CYTH3: variants seen among roughly 807,000 people sequenced by gnomAD.
CYTH3 encodes cytohesin 3.
CYTH3 carries 23 observed loss-of-function variants against 55.1 expected under a neutral mutation model. The ratio of observed to expected loss-of-function variants is 0.42; its 90% CI spans 0.30 to 0.59. CYTH3 has a LOEUF of 0.59. Ranked by LOEUF, CYTH3 falls within the 20% of genes least tolerant of loss-of-function variation. The pLI, the probability that CYTH3 is intolerant of heterozygous loss-of-function variation, is 0.20. For synonymous variants in CYTH3, 249 were observed against 194.9 expected (o/e 1.28, Z -2.31); for missense variants, 413 against 524.8 (o/e 0.79, Z 2.08).
chr7:6,256,033 G>A (rs1194809317), intron 1 of CYTH3, among the ~76,000 whole-genome samples: 1 of 152,136 alleles, frequency 6.6e-6, no homozygotes, highest in South Asian at 2.1e-4. Flanking sequence ...AAAGTGCTGG[G>A]ATTACAGGCA....
intron 1 of CYTH3, among the ~76,000 whole-genome samples, chr7:6,193,968 G>GA (rs1783861214): frequency 6.6e-6 from 1 of 152,130 alleles, no homozygotes; most frequent in Non-Finnish European, 1.5e-5. Flanking sequence ...CTTCTCTGAA[G>GA]CATCCCACAG....
intron 1 of CYTH3, among the ~76,000 whole-genome samples, chr7:6,230,140 T>TAAATAA (rs1779353420): frequency 6.6e-6 from 1 of 151,894 alleles, no homozygotes; most frequent in Non-Finnish European, 1.5e-5. Flanking sequence ...ATGTCAAAAA[T>TAAATAA]AAATAAAAAT....
intron 1 of CYTH3, among the ~76,000 whole-genome samples, chr7:6,226,539 T>C (rs1297470870): frequency 5.3e-5 from 8 of 152,242 alleles, no homozygotes; most frequent in Admixed American, 5.2e-4. Flanking sequence ...GCTGGCAGTC[T>C]TGGCTGAAGC....
intron 12 of CYTH3, 107 bp downstream of exon 12, chr7:6,165,166 C>T: frequency 6.4e-7 from 1 of 1,555,180 alleles, no homozygotes; most frequent in Non-Finnish European, 8.7e-7. Flanking sequence ...TTTCTGGAGA[C>T]AGAAGGTCCA....
Position 6,259,790 on chromosome 7 carries a change from T to TA in CYTH3, c.34+12683dup, listed in dbSNP as rs1242378868. On this transcript the variant is annotated intron_variant, in intron 1 of 12. Coordinates refer to ENST00000350796, the MANE Select transcript of CYTH3 (RefSeq NM_004227.4). ...ATATATATTATATATATATAATATA[T>TA]ATATATATATATATATATATATAAT... Among the ~76,000 whole-genome samples, 5 of 14,986 alleles carry TA rather than the reference T, an allele frequency of 3.3e-4. No individual in the cohort carries two copies. The African/African-American group carries it at 3.9e-3, about 12-fold the overall frequency. The allele number at this position is 14,986 out of a possible 152,430, so 9.8% of individuals were successfully genotyped here. A position where few individuals can be genotyped will look rare whatever the true frequency, so the allele number is the denominator to read the frequency against.
intron 1 of CYTH3, among the ~76,000 whole-genome samples, chr7:6,246,228 G>A (rs1232904916): frequency 6.6e-6 from 1 of 150,656 alleles, no homozygotes; most frequent in Admixed American, 6.6e-5. Context: ...ACAACACCTG[G>A]ATAATTTTTT....
chr7:6,214,014 C>T (rs182501930), intron 1 of CYTH3, among the ~76,000 whole-genome samples: 8 of 152,268 alleles, frequency 5.3e-5, no homozygotes, highest in African/African-American at 7.2e-5. Flanking sequence ...GTAAGAGGAA[C>T]TAGAGCTTCT....
At chr7:6,238,926 A>AT (rs1779599152) in intron 1 of CYTH3, among the ~76,000 whole-genome samples, 3 of 148,988 alleles carry the variant, frequency 2.0e-5, no homozygotes, top group Non-Finnish European at 2.9e-5. Context: ...AATAATAATA[A>AT]AAAAAAGCCA....
chr7:6,200,876 C>A (rs997156626), intron 1 of CYTH3, among the ~76,000 whole-genome samples: 2 of 152,240 alleles, frequency 1.3e-5, no homozygotes, highest in Admixed American at 1.3e-4. Flanking sequence ...CCGCCTCAGC[C>A]TCCTGAATAG....
At chr7:6,177,966 C>G in intron 4 of CYTH3, 25 bp from the exon 5 acceptor site, 1 of 1,561,526 alleles carries the variant, frequency 6.4e-7, no homozygotes, top group Non-Finnish European at 8.8e-7. Context: ...AATGGAAGCA[C>G]TGGTTAGGAG....
intron 1 of CYTH3, among the ~76,000 whole-genome samples, chr7:6,268,751 G>A (rs1780574306): frequency 6.6e-6 from 1 of 152,140 alleles, no homozygotes; most frequent in Non-Finnish European, 1.5e-5. Context: ...TAAAGCACCT[G>A]TATCTATCAG....
At chr7:6,240,043 C>CGCCT (rs1451105719) in intron 1 of CYTH3, among the ~76,000 whole-genome samples, 2 of 152,136 alleles carry the variant, frequency 1.3e-5, no homozygotes, top group African/African-American at 4.8e-5. Context: ...CAGTGGCTCA[C>CGCCT]GCCTATAATC....
intron 1 of CYTH3, among the ~76,000 whole-genome samples, chr7:6,250,018 C>A (rs1412030088): frequency 6.6e-6 from 1 of 152,162 alleles, no homozygotes; most frequent in East Asian, 1.9e-4. Flanking sequence ...CCCACTTGCC[C>A]CCCATCCCAG....
chr7:6,172,750 G>A (rs758816827), intron 6 of CYTH3: 170 of 1,245,054 alleles, frequency 1.4e-4, no homozygotes, highest in Non-Finnish European at 1.7e-4. Flanking sequence ...ACCCTTCTCT[G>A]GATGTACAGC....
intron 1 of CYTH3, among the ~76,000 whole-genome samples, chr7:6,242,375 A>ATTT (rs10525625): frequency 3.8e-5 from 4 of 105,810 alleles, no homozygotes; most frequent in South Asian, 3.0e-4. Flanking sequence ...CGCGCCTGGC[A>ATTT]TTTTTTTTTT....
chr7:6,165,107 C>A, intron 12 of CYTH3, 91 bp from the exon 13 acceptor site: 2 of 1,582,118 alleles, frequency 1.3e-6, no homozygotes, highest in East Asian at 4.5e-5. Context: ...TCAGACAGGA[C>A]CGCAGGCTCA....
chr7:6,194,387 A>G (rs963454030), intron 1 of CYTH3, among the ~76,000 whole-genome samples: 3 of 152,192 alleles, frequency 2.0e-5, no homozygotes, highest in Non-Finnish European at 4.4e-5. Context: ...CAGGGGTTCC[A>G]GGTTGCAGTG....
At chr7:6,256,562 C>G (rs1780129631) in intron 1 of CYTH3, among the ~76,000 whole-genome samples, 1 of 152,154 alleles carries the variant, frequency 6.6e-6, no homozygotes, top group African/African-American at 2.4e-5. Context: ...GGAAGACATG[C>G]AAAGAGAGAA....
At chr7:6,225,526 T>A (rs1375062052) in intron 1 of CYTH3, among the ~76,000 whole-genome samples, 1 of 151,960 alleles carries the variant, frequency 6.6e-6, no homozygotes, top group African/African-American at 2.4e-5. Context: ...GCTAATTTTT[T>A]GTGTTTTTTA....
Sources: gnomAD v4.1 joint callset for allele counts (sites outside exome capture counted in the v4.1 genomes callset) on GRCh38, gnomAD v4.1.1 for gene constraint, MANE v1.5 for transcripts, NCBI Gene and HGNC (gene_info 2026-07-23, HGNC 2026-07-21) for gene names.